The following LAMP5 variants were observed in gnomAD, a reference collection of about 807,000 sequenced individuals.
LAMP5 encodes lysosome associated membrane protein 5.
Under a neutral mutation model 30.2 loss-of-function variants are expected in LAMP5, and 36 were observed. That is an observed-to-expected ratio of 1.19 (90% confidence interval 0.91 to 1.57). The LOEUF is 1.57. LAMP5 is among the 40% of genes most tolerant of loss of function. The pLI, the probability that LAMP5 is intolerant of heterozygous loss-of-function variation, is 0.00. For synonymous variants in LAMP5, 149 were observed against 134.6 expected, an observed-to-expected ratio of 1.11 and a Z score of -0.74; for missense variants, 377 against 354.9, an observed-to-expected ratio of 1.06 and a Z score of -0.50.
rs555533750 is a variant in LAMP5 at position 9,514,799 on chromosome 20, C to T, written c.-54C>T. The T allele has an allele frequency of 2.0e-5, 32 of 1,572,814 alleles. No homozygotes were observed. In the East Asian group the frequency reaches 6.1e-4, roughly 30 times the overall value. On this transcript the variant is annotated 5_prime_UTR_variant, in exon 1 of 6. Transcript: ENST00000246070. ...TCCAGCGGCGACTTTGAGGGATTCCCTCTCTGGCGGCCTCTGCAGCAGCAC... is the reference window on the plus strand; with the variant it reads ...TCCAGCGGCGACTTTGAGGGATTCCTTCTCTGGCGGCCTCTGCAGCAGCAC...
chr20:9,519,565 A>G (rs1465695956), intron 5 of LAMP5, among the ~76,000 whole-genome samples: 2 of 152,250 alleles, frequency 1.3e-5, no homozygotes, highest in Non-Finnish European at 2.9e-5. Context: ...GTTTTTAAAA[A>G]TCTTTTTGTT....
intron 5 of LAMP5, among the ~76,000 whole-genome samples, chr20:9,521,652 C>G (rs1199264924): frequency 3.3e-5 from 5 of 152,164 alleles, no homozygotes; most frequent in African/African-American, 1.2e-4. Context: ...GGCTGATTAC[C>G]TTGTTCTTCC....
rs2045055563 is a variant in LAMP5 at position 9,518,168 on chromosome 20, A to T, written c.604A>T (p.Ile202Phe). The T allele has an allele frequency of 1.2e-6, 2 of 1,614,016 alleles. No individual in the cohort carries two copies. Among genetic ancestry groups the T allele is most frequent in the Non-Finnish European group, 8.5e-7 (1 of 1,180,016 alleles). Residue 202 changes from isoleucine (I) to phenylalanine (F), a missense_variant, in exon 5 of 6, where the codon ATC (isoleucine) becomes TTC (phenylalanine). Coordinates refer to ENST00000246070, the MANE Select transcript of LAMP5 (RefSeq NM_012261.4). ...SSDPQKTVTM[I>F]LSAVHIQPFD... ...TGATCCGCAGAAGACGGTCACCATG[A>T]TCCTGTCTGCGGTCCACATCCAACC...
At position 9,516,449 on chromosome 20, in the gene LAMP5, G is replaced by A. The variant is rs776518619; in HGVS notation, c.475+88G>A. ...AGAATTCCTCAAGGTTTTGGAAACC[G>A]TCCCACGCTTTGAGGTCCCAGGCCA... On this transcript the variant is annotated intron_variant, in intron 4 of 5. Transcript: ENST00000246070. The A allele has an allele frequency of 1.0e-4, 115 of 1,153,026 alleles. 1 individual carries two copies. Among genetic ancestry groups the A allele is most frequent in the Non-Finnish European group, 1.5e-4 (112 of 771,388 alleles). The allele number at this position is 1,153,026 out of a possible 1,614,324, so 71.4% of individuals were successfully genotyped here. A position where few individuals can be genotyped will look rare whatever the true frequency, so the allele number is the denominator to read the frequency against.
intron 5 of LAMP5, among the ~76,000 whole-genome samples, chr20:9,528,373 G>T (rs181964349): frequency 8.2e-4 from 124 of 151,972 alleles, no homozygotes; most frequent in African/African-American, 2.8e-3. Context: ...GTTGGTTAAT[G>T]AGTACAAACA....
At chr20:9,517,613 G>A (rs912876424) in intron 4 of LAMP5, among the ~76,000 whole-genome samples, 28 of 137,830 alleles carry the variant, frequency 2.0e-4, no homozygotes, top group African/African-American at 8.1e-4. Flanking sequence ...GACTAATTTT[G>A]TAAATGTATG....
chr20:9,518,044 G>C lies in LAMP5; in HGVS notation c.480G>C (p.Gly160=). 6.2e-7 allele frequency: 1 copy of C among 1,613,630 alleles called. No individual in the cohort carries two copies. Among genetic ancestry groups the C allele is most frequent in the Non-Finnish European group, 8.5e-7 (1 of 1,179,942 alleles). ...TGCTCTGGGCTCTTGCTGTAGCTGG[G>C]AAGCACACAGCCAACTCGCACCACC... ...KTHFKDAVSA[G]KHTANSHHLS... The change falls in exon 5 of 6, where the codon GGG becomes GGC. Residue 160 remains glycine, a synonymous_variant. Coordinates refer to ENST00000246070, the MANE Select transcript of LAMP5 (RefSeq NM_012261.4).
chr20:9,524,913 A>T (rs937386396), intron 5 of LAMP5, among the ~76,000 whole-genome samples: 12 of 152,208 alleles, frequency 7.9e-5, no homozygotes, highest in Admixed American at 7.2e-4. Flanking sequence ...ATTTTGAAAC[A>T]GTGGATGAGA....
chr20:9,516,415 C>A, intron 4 of LAMP5, 54 bp downstream of exon 4: 1 of 1,382,118 alleles, frequency 7.2e-7, no homozygotes, highest in Non-Finnish European at 1.0e-6. Flanking sequence ...GCAGAACAGG[C>A]TTGGAGAGAG....
Position 9,514,794 on chromosome 20 carries a change from A to T in LAMP5, c.-59A>T. The T allele has an allele frequency of 6.5e-7, 1 of 1,546,162 alleles. No individual in the cohort carries two copies. The highest frequency in any genetic ancestry group is 1.4e-5 in the African/African-American group (1 of 73,398). On this transcript the variant is annotated 5_prime_UTR_variant, in exon 1 of 6. Coordinates refer to ENST00000246070, the MANE Select transcript of LAMP5 (RefSeq NM_012261.4). ...CCCACTCCAGCGGCGACTTTGAGGG[A>T]TTCCCTCTCTGGCGGCCTCTGCAGC...
chr20:9,521,280 G>T (rs1192905354), intron 5 of LAMP5, among the ~76,000 whole-genome samples: 1 of 152,164 alleles, frequency 6.6e-6, no homozygotes, highest in African/African-American at 2.4e-5. Context: ...GGGTCCCAGA[G>T]CTTCTAGAGG....
chr20:9,524,431 T>G (rs6039487), intron 5 of LAMP5, among the ~76,000 whole-genome samples: 56,690 of 151,002 alleles, frequency 0.38, 13,692 homozygotes, highest in African/African-American at 0.69. Flanking sequence ...TCTGCTTTAG[T>G]TCTCTGCATG....
chr20:9,529,054 A>C (rs999955243), intron 5 of LAMP5, among the ~76,000 whole-genome samples: 1 of 152,232 alleles, frequency 6.6e-6, no homozygotes, highest in African/African-American at 2.4e-5. Context: ...AGCTGCTATG[A>C]ACATTTATGT....
At chr20:9,516,965 A>G (rs1255029237) in intron 4 of LAMP5, among the ~76,000 whole-genome samples, 1 of 152,156 alleles carries the variant, frequency 6.6e-6, no homozygotes, top group African/African-American at 2.4e-5. Flanking sequence ...TCATCCCCCA[A>G]ATAACAATAT....
chr20:9,518,085 C>A lies in LAMP5; in HGVS notation c.521C>A (p.Thr174Asn), dbSNP rs749906296. The A allele has an allele frequency of 6.2e-7, 1 of 1,614,124 alleles. No homozygotes were observed. Among genetic ancestry groups the A allele is most frequent in the South Asian group, 1.1e-5 (1 of 91,082 alleles). Residue 174 changes from threonine to asparagine, a missense_variant, in exon 5 of 6, where the codon ACC becomes AAC. Physicochemically the swap from Thr to Asn is moderately conservative, Grantham distance 65 (BLOSUM62 0). Coordinates refer to ENST00000246070, the MANE Select transcript of LAMP5 (RefSeq NM_012261.4). ...ANSHHLSALV[T>N]PAGKSYECQA... ...TCGCACCACCTCTCTGCCTTGGTCACCCCCGCTGGGAAGTCCTATGAGTGT... is the reference window on the plus strand; with the variant it reads ...TCGCACCACCTCTCTGCCTTGGTCAACCCCGCTGGGAAGTCCTATGAGTGT...
chr20:9,526,858 GTGTATATATA>G (rs1451428728), intron 5 of LAMP5, among the ~76,000 whole-genome samples: 9,528 of 90,556 alleles, frequency 0.11, 500 homozygotes, highest in South Asian at 0.16. Context: ...ATGTGTGTGT[GTGTATATATA>G]TATATATATA....
chr20:9,527,827 C>T (rs1484875961), intron 5 of LAMP5, among the ~76,000 whole-genome samples: 1 of 152,120 alleles, frequency 6.6e-6, no homozygotes, highest in African/African-American at 2.4e-5. Context: ...AGACTCAGCA[C>T]TATGAAGCTA....
At chr20:9,522,341 G>C (rs1275209167) in intron 5 of LAMP5, among the ~76,000 whole-genome samples, 2 of 152,204 alleles carry the variant, frequency 1.3e-5, no homozygotes, top group African/African-American at 4.8e-5. Flanking sequence ...CCCCCCAGTA[G>C]AGCGTCCTGT....
rs752235198 is a variant in LAMP5, at chr20:9,528,471, C to T, written c.665-1171C>T. Among the ~76,000 whole-genome samples, 44 of 151,948 alleles carry T rather than the reference C, an allele frequency of 2.9e-4. 1 individual carries two copies. Among genetic ancestry groups the T allele is most frequent in the Non-Finnish European group, 5.3e-4 (36 of 67,990 alleles). ...CCATGTGTTGTACATTTCAAAATAG[C>T]CAGAAGTGAGGACTTGAAACATTGT... On this transcript the variant is annotated intron_variant, in intron 5 of 5. Transcript: ENST00000246070.
Sources: allele counts gnomAD v4.1 joint callset (sites outside exome capture counted in the v4.1 genomes callset), GRCh38; gene constraint gnomAD v4.1.1; transcripts MANE v1.5; gene names NCBI Gene and HGNC (gene_info 2026-07-23, HGNC 2026-07-21).